HABP2: variants seen among roughly 807,000 people sequenced by gnomAD.
HABP2 encodes factor VII-activating protease.
A neutral mutation model predicts 66.5 loss-of-function variants in HABP2; 65 were observed. The observed-to-expected ratio is 0.98, with a 90% CI of 0.80 to 1.20. The LOEUF is 1.20. Ranked by LOEUF, HABP2 falls within the 50% of genes most tolerant of loss-of-function variation. The pLI, the probability that HABP2 is intolerant of heterozygous loss-of-function variation, is 0.00. For missense variants in HABP2, 786 were observed against 691.0 expected (o/e 1.14, Z -1.54); for synonymous variants, 263 against 253.9 (o/e 1.04, Z -0.34).
intron 1 of HABP2, among the ~76,000 whole-genome samples, chr10:113,561,523 C>G (rs1845099942): frequency 6.6e-6 from 1 of 152,114 alleles, no homozygotes; most frequent in South Asian, 2.1e-4. Flanking sequence ...AGTAACGCAC[C>G]TCCCTGGTGG....
chr10:113,564,153 C>A lies in HABP2; in HGVS notation c.70-3336C>A, dbSNP rs532747381. On this transcript the variant is annotated intron_variant, in intron 1 of 12. Transcript: ENST00000351270. ...ACGTCTTACATGGTGGCAGGCAAAACAGTGTATGCAGGGGAACTGCGCATT... is the reference window on the plus strand; with the variant it reads ...ACGTCTTACATGGTGGCAGGCAAAAAAGTGTATGCAGGGGAACTGCGCATT... Among the ~76,000 whole-genome samples, 17 of 152,254 alleles carry A rather than the reference C, an allele frequency of 1.1e-4. No individual in the cohort carries two copies. In the East Asian group the frequency reaches 1.4e-3, roughly 12 times the overall value.
chr10:113,558,848 GCTTGT>G (rs745477538), intron 1 of HABP2, among the ~76,000 whole-genome samples: 1 of 152,104 alleles, frequency 6.6e-6, no homozygotes, highest in Non-Finnish European at 1.5e-5. Context: ...TTGTCCACTT[GCTTGT>G]CTTAATTTTT....
intron 2 of HABP2, among the ~76,000 whole-genome samples, chr10:113,572,246 A>C (rs1845327943): frequency 6.6e-6 from 1 of 152,242 alleles, no homozygotes; most frequent in Non-Finnish European, 1.5e-5. Flanking sequence ...AGGTAAGCAG[A>C]CCTTGTTAAT....
Position 113,575,779 on chromosome 10 carries a change from G to A in HABP2, c.224-118G>A, listed in dbSNP as rs1257373697. On this transcript the variant is annotated intron_variant, in intron 3 of 12. Transcript: ENST00000351270. Reference sequence around the variant, plus strand: ...TGTTTTCCTCCTTTCCCCAGTTTCTGGCTCAGTAGTTACTCTCTCATTTGG... The same window carrying A: ...TGTTTTCCTCCTTTCCCCAGTTTCTAGCTCAGTAGTTACTCTCTCATTTGG... 9.0e-5 allele frequency: 61 copies of A among 675,548 alleles called. No individual in the cohort carries two copies. In the East Asian group the frequency reaches 1.5e-3, roughly 17 times the overall value. The allele number at this position is 675,548 out of a possible 1,614,324, so 41.8% of individuals were successfully genotyped here.
chr10:113,553,584 C>T (rs2240878), intron 1 of HABP2, among the ~76,000 whole-genome samples: 3 of 152,180 alleles, frequency 2.0e-5, no homozygotes, highest in African/African-American at 4.8e-5. Context: ...AGTTTTCCAG[C>T]GATTTGTGGC....
At position 113,581,860 on chromosome 10, in the gene HABP2, T is replaced by C. The variant is rs1208672863; in HGVS notation, c.839-16T>C. On this transcript the variant is annotated splice_polypyrimidine_tract_variant and intron_variant, in intron 8 of 12. Transcript: ENST00000351270. The stretch of plus-strand genomic sequence containing the variant: ...GGAGGCTGAATAGCACAATTTATCT[T>C]TCTTGTGTCCCACAGACGTTGCCTA... 3 of 1,613,646 alleles carry C rather than the reference T, an allele frequency of 1.9e-6. No homozygotes were observed. The highest frequency in any genetic ancestry group is 2.5e-6 in the Non-Finnish European group (3 of 1,179,790).
At chr10:113,560,243 T>C (rs988047301) in intron 1 of HABP2, among the ~76,000 whole-genome samples, 4 of 152,334 alleles carry the variant, frequency 2.6e-5, no homozygotes, top group Non-Finnish European at 5.9e-5. Flanking sequence ...TTGAGCAATG[T>C]GTGCAAAAGC....
intron 10 of HABP2, among the ~76,000 whole-genome samples, chr10:113,583,760 C>T (rs1845584602): frequency 1.3e-5 from 2 of 152,156 alleles, no homozygotes; most frequent in Non-Finnish European, 1.5e-5. Flanking sequence ...TGGCCCCTAG[C>T]CCCTGGCAGG....
intron 4 of HABP2, among the ~76,000 whole-genome samples, chr10:113,576,289 C>T (rs534547907): frequency 6.6e-6 from 1 of 152,224 alleles, no homozygotes; most frequent in Non-Finnish European, 1.5e-5. Flanking sequence ...GGACTTTGTG[C>T]TTAGAGTTTA....
At position 113,589,572 on chromosome 10, in the gene HABP2, C is replaced by G; in HGVS notation, c.*1203C>G. On this transcript the variant is annotated 3_prime_UTR_variant, in exon 13 of 13. Coordinates refer to ENST00000351270, the MANE Select transcript of HABP2 (RefSeq NM_004132.5). ...TTCACACTTCTTTAGAGCTAGCTGA[C>G]CTTTGGCCAAAAATAAACTTTGAAA... 6.8e-7 allele frequency: 1 copy of G among 1,473,048 alleles called. No individual in the cohort carries two copies. Among genetic ancestry groups the G allele is most frequent in the Non-Finnish European group, 9.2e-7 (1 of 1,089,566 alleles). The allele number at this position is 1,473,048 out of a possible 1,614,324, so 91.2% of individuals were successfully genotyped here.
intron 2 of HABP2, among the ~76,000 whole-genome samples, chr10:113,572,031 T>A (rs1206114646): frequency 6.6e-6 from 1 of 152,224 alleles, no homozygotes; most frequent in Non-Finnish European, 1.5e-5. Context: ...TGGCAGCCCA[T>A]CCCAAATGGA....
In HABP2 at chr10:113,589,048, T is replaced by A. The variant is rs753862222; in HGVS notation, c.*679T>A. 3.5e-5 allele frequency: 56 copies of A among 1,613,946 alleles called. No homozygotes were observed. Among genetic ancestry groups the A allele is most frequent in the Non-Finnish European group, 4.7e-5 (56 of 1,180,020 alleles). On this transcript the variant is annotated 3_prime_UTR_variant, in exon 13 of 13. Transcript: ENST00000351270. ...ATCTGGGTTCACCTCCCCACTCTGA[T>A]GATCTCCAGCCTCCACTGCTTCTGC...
At chr10:113,564,468 C>T (rs928768941) in intron 1 of HABP2, among the ~76,000 whole-genome samples, 2 of 152,220 alleles carry the variant, frequency 1.3e-5, no homozygotes, top group East Asian at 1.9e-4. Context: ...GCCAGGCCTC[C>T]CCACTGCCAA....
rs1348438106 is a variant in HABP2 at position 113,581,985 on chromosome 10, A to G, written c.948A>G (p.Gly316=). 1 of 1,614,090 alleles carries G rather than the reference A, an allele frequency of 6.2e-7. No individual in the cohort carries two copies. Among genetic ancestry groups the G allele is most frequent in the Non-Finnish European group, 8.5e-7 (1 of 1,180,020 alleles). Residue 316 remains glycine, a synonymous_variant, in exon 9 of 13, where the codon GGA becomes GGG. Transcript: ENST00000351270. ...AGAGGAAGATCAAGAGAATCTATGG[A>G]GGCTTTAAGAGCACGGCGGGCAAGC... ...IAERKIKRIY[G]GFKSTAGKHP...
intron 12 of HABP2, among the ~76,000 whole-genome samples, chr10:113,587,187 G>T (rs1184541929): frequency 1.3e-5 from 2 of 152,170 alleles, no homozygotes; most frequent in Non-Finnish European, 2.9e-5. Context: ...GGACATGGTG[G>T]CACATGCCTG....
chr10:113,588,221 C>A lies in HABP2; in HGVS notation c.1535C>A (p.Pro512His). The change falls in exon 13 of 13, where the codon CCC becomes CAC. Residue 512 changes from proline (P) to histidine (H), a missense_variant. Physicochemically the swap from Pro to His is moderately conservative, Grantham distance 77. Transcript: ENST00000351270. ...QDTCQGDSGG[P>H]LTCEKDGTYY... Reference sequence around the variant, plus strand: ...TTCCCTTAGGGTGACTCTGGAGGCCCCCTGACCTGTGAGAAGGACGGCACC... The same window carrying A: ...TTCCCTTAGGGTGACTCTGGAGGCCACCTGACCTGTGAGAAGGACGGCACC... 6.2e-7 allele frequency: 1 copy of A among 1,609,556 alleles called. No individual in the cohort carries two copies. Among genetic ancestry groups the A allele is most frequent in the African/African-American group, 1.3e-5 (1 of 74,852 alleles).
At chr10:113,571,260 G>A (rs373432197) in intron 2 of HABP2, among the ~76,000 whole-genome samples, 2 of 152,278 alleles carry the variant, frequency 1.3e-5, no homozygotes, top group African/African-American at 4.8e-5. Context: ...TGGCAGATTG[G>A]CTGGCCTCTT....
intron 2 of HABP2, among the ~76,000 whole-genome samples, chr10:113,573,010 G>T (rs1478697068): frequency 6.6e-6 from 1 of 152,218 alleles, no homozygotes; most frequent in East Asian, 1.9e-4. Flanking sequence ...TGATAATCAG[G>T]CTTAGGTAAA....
chr10:113,588,418 C>G lies in HABP2; in HGVS notation c.*49C>G. The G allele has an allele frequency of 1.3e-6, 2 of 1,483,418 alleles. No individual in the cohort carries two copies. The highest frequency in any genetic ancestry group is 1.8e-6 in the Non-Finnish European group (2 of 1,085,130). The allele number at this position is 1,483,418 out of a possible 1,614,324, so 91.9% of individuals were successfully genotyped here. A position where few individuals can be genotyped will look rare whatever the true frequency, so the allele number is the denominator to read the frequency against. On this transcript the variant is annotated 3_prime_UTR_variant, in exon 13 of 13. Transcript: ENST00000351270. ...GCCCACTCTCCTTGGCACCCTGACA[C>G]CGGGAGGCCTCATGGCCAACAATGG...
Sources: allele counts gnomAD v4.1 joint callset (sites outside exome capture counted in the v4.1 genomes callset), GRCh38; gene constraint gnomAD v4.1.1; transcripts MANE v1.5; gene names NCBI Gene and HGNC (gene_info 2026-07-23, HGNC 2026-07-21).